The following ST7L variants were observed in gnomAD, a reference collection of about 807,000 sequenced individuals.
The protein encoded by ST7L is suppression of tumorigenicity 7 like.
In ST7L, 57 loss-of-function variants were observed where a neutral mutation model predicts 72.5. That is an observed-to-expected ratio of 0.79 (90% CI 0.64 to 0.98). ST7L has a LOEUF of 0.98. ST7L is among the 50% of genes least tolerant of loss of function. The pLI is 0.00. For synonymous variants in ST7L, 221 were observed against 240.9 expected (o/e 0.92, Z 0.77); for missense variants, 576 against 672.2 (o/e 0.86, Z 1.58).
At chr1:112,532,180 C>A (rs184758387) in intron 14 of ST7L, among the ~76,000 whole-genome samples, 29 of 152,318 alleles carry the variant, frequency 1.9e-4, no homozygotes, top group African/African-American at 7.0e-4. Flanking sequence ...AAAGTTTCAA[C>A]TTTGAGTGCC....
At chr1:112,609,526 C>CA (rs60756026) in intron 3 of ST7L, among the ~76,000 whole-genome samples, 1,233 of 107,000 alleles carry the variant, frequency 0.012, 9 homozygotes, top group African/African-American at 0.027. Flanking sequence ...GACTTCGTCT[C>CA]AAAAAAAAAA....
Position 112,578,347 on chromosome 1 carries a change from T to C in ST7L, c.1140A>G (p.Glu380=). The C allele has an allele frequency of 6.2e-7, 1 of 1,614,004 alleles. No individual in the cohort carries two copies. The highest frequency in any genetic ancestry group is 1.1e-5 in the South Asian group (1 of 91,070). ...ATTGTAGTTTTTATAACACGTACTT[T>C]TCTGAAACAGTCCTTGTCTTCAACA... ...AALLKTRTVS[E]KFSPETASRR... The change falls in exon 10 of 15, where the codon GAA becomes GAG. Residue 380 remains glutamate (E), a splice_region_variant and synonymous_variant. Coordinates refer to ENST00000358039, the MANE Select transcript of ST7L (RefSeq NM_017744.5).
intron 6 of ST7L, among the ~76,000 whole-genome samples, chr1:112,584,807 C>T (rs557124022): frequency 1.3e-4 from 20 of 152,084 alleles, no homozygotes; most frequent in Admixed American, 2.6e-4. Context: ...TGCTTTTAGT[C>T]GCTATATAAT....
chr1:112,605,170 T>A (rs1275901928), intron 3 of ST7L, among the ~76,000 whole-genome samples: 1 of 148,582 alleles, frequency 6.7e-6, no homozygotes, highest in Non-Finnish European at 1.5e-5. Context: ...GGCGGGTGGA[T>A]CAAGAGATGA....
At chr1:112,591,475 G>C in intron 6 of ST7L, 50 bp downstream of exon 6, 1 of 1,499,112 alleles carries the variant, frequency 6.7e-7, no homozygotes, top group African/African-American at 1.4e-5. Flanking sequence ...AAAATCATTT[G>C]CCTTGGTTTC....
At chr1:112,573,916 T>G (rs1419785313) in intron 11 of ST7L, among the ~76,000 whole-genome samples, 10 of 139,938 alleles carry the variant, frequency 7.1e-5, no homozygotes, top group Admixed American at 4.2e-4. Context: ...TCCTGTTTTT[T>G]TTTTTTTTTT....
chr1:112,619,097 C>G lies in ST7L; in HGVS notation c.17G>C (p.Gly6Ala). 6.2e-7 allele frequency: 1 copy of G among 1,613,380 alleles called. No homozygotes were observed. The highest frequency in any genetic ancestry group is 8.5e-7 in the Non-Finnish European group (1 of 1,179,892). ...TCCAACAGCTGCGGCTTCACCCACG[C>G]CGCCACGGTCCGCCATCTTGCCGCT... MADRGGVGEAAAVGAS... is the reference protein window; with the variant it reads MADRGAVGEAAAVGAS... Residue 6 changes from glycine to alanine, a missense_variant, in exon 1 of 15, where the codon GGC (glycine) becomes GCC (alanine). By Grantham distance (60) the Gly-to-Ala change is moderately conservative. Transcript: ENST00000358039.
chr1:112,583,594 CT>C (rs1181873800), intron 7 of ST7L, among the ~76,000 whole-genome samples: 1 of 152,256 alleles, frequency 6.6e-6, no homozygotes, highest in Non-Finnish European at 1.5e-5. Flanking sequence ...TGTACCTCTA[CT>C]GTTGCTTAGA....
At chr1:112,600,915 T>C (rs1472852824) in intron 3 of ST7L, 67 bp from the exon 4 acceptor site, 25 of 1,401,020 alleles carry the variant, frequency 1.8e-5, no homozygotes, top group Non-Finnish European at 2.4e-5. Context: ...CCAATATCTA[T>C]TGTCTACCCA....
chr1:112,584,653 A>G (rs933438553), intron 6 of ST7L, among the ~76,000 whole-genome samples: 6 of 151,946 alleles, frequency 3.9e-5, no homozygotes, highest in African/African-American at 1.4e-4. Context: ...ACGCCCGGCT[A>G]ATTTTTGTAT....
intron 3 of ST7L, among the ~76,000 whole-genome samples, chr1:112,604,812 G>A (rs554549160): frequency 3.4e-5 from 5 of 149,028 alleles, no homozygotes; most frequent in South Asian, 4.2e-4. Flanking sequence ...AAGACTGGGC[G>A]TGGTGGCTCA....
intron 11 of ST7L, among the ~76,000 whole-genome samples, chr1:112,564,622 G>A (rs557426442): frequency 6.6e-6 from 1 of 152,176 alleles, no homozygotes; most frequent in South Asian, 2.1e-4. Flanking sequence ...TTCAAGACCA[G>A]CCTGGCCAAC....
chr1:112,548,377 G>C (rs1299952546), intron 13 of ST7L, among the ~76,000 whole-genome samples: 1 of 152,014 alleles, frequency 6.6e-6, no homozygotes, highest in Non-Finnish European at 1.5e-5. Context: ...AAAAAAAGAA[G>C]AGAATCCTGG....
intron 3 of ST7L, among the ~76,000 whole-genome samples, chr1:112,606,367 T>C (rs896199385): frequency 6.6e-6 from 1 of 152,206 alleles, no homozygotes; most frequent in Non-Finnish European, 1.5e-5. Context: ...AAATATCCAA[T>C]GTCATTGCTC....
intron 2 of ST7L, among the ~76,000 whole-genome samples, chr1:112,611,965 G>C (rs1669127874): frequency 1.4e-5 from 1 of 72,992 alleles, no homozygotes; most frequent in Non-Finnish European, 2.4e-5. Context: ...GTGAGACCCT[G>C]TCTCAAAAAA....
intron 14 of ST7L, among the ~76,000 whole-genome samples, chr1:112,536,207 C>T (rs779417594): frequency 6.6e-6 from 1 of 152,084 alleles, no homozygotes; most frequent in Non-Finnish European, 1.5e-5. Flanking sequence ...AGTCTCATAG[C>T]TTTGAAAGTA....
In ST7L at chr1:112,578,382, T is replaced by G. The variant is rs1265297575; in HGVS notation, c.1105A>C (p.Thr369Pro). ...SLPKSAAICY[T>P]AALLKTRTVS... ...GTCCTTGTCTTCAACAGTGCTGCTGTGTAACAGATTGCTGCTGACTTTGGA... is the reference window on the plus strand; with the variant it reads ...GTCCTTGTCTTCAACAGTGCTGCTGGGTAACAGATTGCTGCTGACTTTGGA... Residue 369 changes from threonine to proline, a missense_variant, in exon 10 of 15, where the codon ACA (threonine) becomes CCA (proline). Physicochemically the swap from Thr to Pro is conservative, Grantham distance 38. Transcript: ENST00000358039. 51 of 1,614,076 alleles carry G rather than the reference T, an allele frequency of 3.2e-5. No homozygotes were observed. The highest frequency in any genetic ancestry group is 4.2e-5 in the Non-Finnish European group (50 of 1,180,024).
intron 11 of ST7L, among the ~76,000 whole-genome samples, chr1:112,574,488 T>C (rs1274531662): frequency 1.3e-5 from 2 of 151,348 alleles, no homozygotes; most frequent in Admixed American, 6.6e-5. Flanking sequence ...TGAAACCTCG[T>C]CTCTACTAAA....
chr1:112,553,728 C>T (rs542407551), intron 12 of ST7L, among the ~76,000 whole-genome samples: 27 of 152,204 alleles, frequency 1.8e-4, no homozygotes, highest in African/African-American at 6.3e-4. Flanking sequence ...TTGTGTGGTA[C>T]TTCTTTTAAT....
Sources: allele counts gnomAD v4.1 joint callset (sites outside exome capture counted in the v4.1 genomes callset), GRCh38; gene constraint gnomAD v4.1.1; transcripts MANE v1.5; gene names NCBI Gene and HGNC (gene_info 2026-07-23, HGNC 2026-07-21).